DOCK4: variants seen among roughly 807,000 people sequenced by gnomAD.
The protein encoded by DOCK4 is dedicator of cytokinesis 4.
Under a neutral mutation model 268.1 loss-of-function variants are expected in DOCK4, and 97 were observed. That is an observed-to-expected ratio of 0.36 (90% confidence interval 0.31 to 0.43). The LOEUF (loss-of-function observed/expected upper bound fraction) is 0.43, where lower values mean the gene tolerates loss of function less well. Ranked by LOEUF, DOCK4 falls within the 20% of genes least tolerant of loss-of-function variation. The pLI is 1.00. For synonymous variants in DOCK4, 954 were observed against 887.2 expected (o/e 1.08, Z -1.34); for missense variants, 2,145 against 2,455.7 (o/e 0.87, Z 2.67).
At chr7:111,935,502 GA>G (rs754726792) in intron 12 of DOCK4, 37 bp downstream of exon 12, 1 of 1,588,218 alleles carries the variant, frequency 6.3e-7, no homozygotes, top group Admixed American at 1.7e-5. Flanking sequence ...GGCTTGGAAC[GA>G]AAAGTGTAGG....
At chr7:111,893,761 G>A (rs1808488164) in intron 16 of DOCK4, among the ~76,000 whole-genome samples, 2 of 152,176 alleles carry the variant, frequency 1.3e-5, no homozygotes, top group Admixed American at 6.5e-5. Context: ...AAGAGAGAAC[G>A]TAAAGGCCAG....
At chr7:111,950,082 C>T (rs1180056039) in intron 8 of DOCK4, among the ~76,000 whole-genome samples, 1 of 152,088 alleles carries the variant, frequency 6.6e-6, no homozygotes, top group Non-Finnish European at 1.5e-5. Context: ...GCATGCCACC[C>T]CACTCAGCTA....
chr7:111,893,230 G>A (rs1189804438), intron 16 of DOCK4, among the ~76,000 whole-genome samples: 1 of 152,170 alleles, frequency 6.6e-6, no homozygotes, highest in African/African-American at 2.4e-5. Context: ...TTCACATGGA[G>A]AAGCGAGCTC....
At chr7:112,125,313 T>C (rs1813114566) in intron 1 of DOCK4, among the ~76,000 whole-genome samples, 1 of 152,160 alleles carries the variant, frequency 6.6e-6, no homozygotes, top group Non-Finnish European at 1.5e-5. Flanking sequence ...CTCTCAAAAA[T>C]CCAAACCAGC....
At chr7:111,914,460 A>G (rs978604419) in intron 13 of DOCK4, among the ~76,000 whole-genome samples, 1 of 152,152 alleles carries the variant, frequency 6.6e-6, no homozygotes, top group African/African-American at 2.4e-5. Flanking sequence ...TGTGACCTAC[A>G]AGGTCCACAT....
intron 4 of DOCK4, among the ~76,000 whole-genome samples, chr7:111,995,264 C>G (rs1002725761): frequency 1.3e-5 from 2 of 152,010 alleles, no homozygotes; most frequent in African/African-American, 2.4e-5. Context: ...ATATCCTGAC[C>G]TTGTGATCTG....
chr7:111,854,552 T>C (rs1804847253), intron 23 of DOCK4, among the ~76,000 whole-genome samples: 6 of 152,106 alleles, frequency 3.9e-5, no homozygotes, highest in African/African-American at 2.4e-5. Flanking sequence ...GTGGCTCATC[T>C]TGCTACATTA....
At chr7:111,859,466 G>A (rs959310068) in intron 23 of DOCK4, among the ~76,000 whole-genome samples, 1 of 151,774 alleles carries the variant, frequency 6.6e-6, no homozygotes, top group Non-Finnish European at 1.5e-5. Flanking sequence ...GTTATCTCTG[G>A]GAAAATAAGA....
chr7:111,959,996 C>A (rs905512903), intron 8 of DOCK4, among the ~76,000 whole-genome samples: 20 of 152,084 alleles, frequency 1.3e-4, no homozygotes, highest in African/African-American at 3.9e-4. Context: ...CTCACTCACT[C>A]CCTATTACAC....
chr7:111,889,527 A>G (rs1321646794), intron 16 of DOCK4, among the ~76,000 whole-genome samples: 2 of 152,170 alleles, frequency 1.3e-5, no homozygotes, highest in African/African-American at 2.4e-5. Context: ...GAAGTTTGAG[A>G]TAAGCAGAGA....
chr7:111,974,984 G>A (rs1196230180), intron 8 of DOCK4, among the ~76,000 whole-genome samples: 2 of 152,172 alleles, frequency 1.3e-5, no homozygotes, highest in Non-Finnish European at 2.9e-5. Flanking sequence ...CTTAACAGGC[G>A]ACCAGGCACA....
At chr7:111,946,153 G>A (rs186729576) in intron 8 of DOCK4, among the ~76,000 whole-genome samples, 3 of 152,140 alleles carry the variant, frequency 2.0e-5, no homozygotes, top group Non-Finnish European at 4.4e-5. Context: ...CTGTAACTAA[G>A]ATTTCTTTTT....
intron 4 of DOCK4, among the ~76,000 whole-genome samples, chr7:111,994,928 A>G (rs1414243696): frequency 6.6e-6 from 1 of 152,182 alleles, no homozygotes; most frequent in Non-Finnish European, 1.5e-5. Flanking sequence ...TAAAAGTCAG[A>G]AACTATCCTT....
chr7:112,139,833 C>T (rs772619416), intron 1 of DOCK4, among the ~76,000 whole-genome samples: 3 of 151,994 alleles, frequency 2.0e-5, no homozygotes, highest in African/African-American at 4.8e-5. Flanking sequence ...TATTAGCATG[C>T]CACAGACTAC....
At position 111,882,695 on chromosome 7, in the gene DOCK4, C is replaced by T. The variant is rs565021756; in HGVS notation, c.1588-5509G>A. On this transcript the variant is annotated intron_variant, in intron 16 of 52. Coordinates refer to ENST00000428084, the MANE Select transcript of DOCK4 (RefSeq NM_001363540.2). The stretch of plus-strand genomic sequence containing the variant: ...TGGTGTGATCTCGGCTCACCACAAC[C>T]TCTGCCTCCCGGGTTCAAGCAATTC... Among the ~76,000 whole-genome samples, 3 of 151,304 alleles carry T rather than the reference C, an allele frequency of 2.0e-5. No individual in the cohort carries two copies. In the East Asian group the frequency reaches 5.9e-4, roughly 30 times the overall value.
intron 10 of DOCK4, among the ~76,000 whole-genome samples, chr7:111,942,372 C>T (rs1795282638): frequency 6.6e-6 from 1 of 152,142 alleles, no homozygotes; most frequent in South Asian, 2.1e-4. Context: ...GTACAAGAGA[C>T]ATTCTGTAAG....
chr7:112,039,996 T>TC (rs1804211156), intron 1 of DOCK4, among the ~76,000 whole-genome samples: 1 of 152,190 alleles, frequency 6.6e-6, no homozygotes, highest in Non-Finnish European at 1.5e-5. Context: ...ACTAATAAAA[T>TC]GTAAGTGGTT....
chr7:111,738,623 C>G (rs1278127815), intron 49 of DOCK4, among the ~76,000 whole-genome samples: 1 of 152,222 alleles, frequency 6.6e-6, no homozygotes, highest in African/African-American at 2.4e-5. Flanking sequence ...TGCCAAGCAA[C>G]TACCATGTGT....
intron 1 of DOCK4, among the ~76,000 whole-genome samples, chr7:112,140,062 A>G (rs963880183): frequency 6.6e-6 from 1 of 152,204 alleles, no homozygotes; most frequent in Non-Finnish European, 1.5e-5. Flanking sequence ...CTAAGGCACC[A>G]ACAGAACCAA....
Sources: gnomAD v4.1 joint callset for allele counts (sites outside exome capture counted in the v4.1 genomes callset) on GRCh38, gnomAD v4.1.1 for gene constraint, MANE v1.5 for transcripts, NCBI Gene and HGNC (gene_info 2026-07-23, HGNC 2026-07-21) for gene names.